The following DBF4B variants were observed in gnomAD, a reference collection of about 807,000 sequenced individuals.
DBF4B encodes the protein protein DBF4 homolog B.
DBF4B carries 49 observed loss-of-function variants against 53.4 expected under a neutral mutation model. The ratio of observed to expected loss-of-function variants is 0.92; its 90% CI spans 0.73 to 1.16. The LOEUF is 1.16. DBF4B is among the 50% of genes most tolerant of loss of function. The pLI is 0.00. For synonymous variants in DBF4B, 257 were observed against 288.7 expected, an observed-to-expected ratio of 0.89 and a Z score of 1.11; for missense variants, 692 against 775.0, an observed-to-expected ratio of 0.89 and a Z score of 1.27.
chr17:44,746,683 G>C (rs1340206994), intron 10 of DBF4B, among the ~76,000 whole-genome samples: 1 of 151,996 alleles, frequency 6.6e-6, no homozygotes, highest in Non-Finnish European at 1.5e-5. Context: ...GTTGAGCATT[G>C]TGGCGGGCGC....
At position 44,741,132 on chromosome 17, in the gene DBF4B, C is replaced by CA. The variant is rs375591548; in HGVS notation, c.714-192dup. ...CCTGGGCGACAGCGAGACTCTGTCT[C>CA]AAAAAAAAAAAAGAAAAGTAGACAG... On this transcript the variant is annotated intron_variant, in intron 9 of 13. Coordinates refer to ENST00000315005, the MANE Select transcript of DBF4B (RefSeq NM_145663.3). Among the ~76,000 whole-genome samples, 971 of 125,978 alleles carry CA rather than the reference C, an allele frequency of 7.7e-3. 7 individuals are homozygous for CA. Among genetic ancestry groups the CA allele is most frequent in the African/African-American group, 0.023 (788 of 33,912 alleles). The allele number at this position is 125,978 out of a possible 152,430, so 82.6% of individuals were successfully genotyped here.
At chr17:44,727,871 T>C (rs1432195695) in intron 3 of DBF4B, among the ~76,000 whole-genome samples, 2 of 131,856 alleles carry the variant, frequency 1.5e-5, no homozygotes, top group African/African-American at 2.6e-5. Context: ...GTAATTTTTT[T>C]TTTTTTTTTT....
At chr17:44,750,253 T>G in intron 13 of DBF4B, 2 of 1,040,028 alleles carry the variant, frequency 1.9e-6, no homozygotes, top group Non-Finnish European at 2.3e-6. Flanking sequence ...TCTGGCCACT[T>G]TTTCTTTCAT....
At chr17:44,730,853 C>T in intron 4 of DBF4B, 112 bp from the exon 5 acceptor site, 1 of 1,086,874 alleles carries the variant, frequency 9.2e-7, no homozygotes, top group Non-Finnish European at 1.3e-6. Context: ...CTGCTCCCAG[C>T]TTTCCGAGGG....
At position 44,715,045 on chromosome 17, in the gene DBF4B, C is replaced by T. The variant is rs142013660; in HGVS notation, c.82+5679C>T. Among the ~76,000 whole-genome samples, 4 of 152,112 alleles carry T rather than the reference C, an allele frequency of 2.6e-5. No individual in the cohort carries two copies. In the East Asian group the frequency reaches 7.7e-4, roughly 29 times the overall value. On this transcript the variant is annotated intron_variant, in intron 2 of 13. Transcript: ENST00000315005. ...ACTTTTTTCATTTATGGAGCAGGTA[C>T]CTTTCAATCTGTAACATCATTTTCT...
At chr17:44,712,322 T>C (rs1395169315) in intron 2 of DBF4B, among the ~76,000 whole-genome samples, 24 of 142,222 alleles carry the variant, frequency 1.7e-4, no homozygotes, top group African/African-American at 6.4e-4. Flanking sequence ...TTTTTTTTTT[T>C]TTGAGACGGT....
chr17:44,709,436 AATGTTCC>A (rs1455356757), intron 2 of DBF4B, 70 bp downstream of exon 2: 2 of 1,524,422 alleles, frequency 1.3e-6, no homozygotes, highest in African/African-American at 2.7e-5. Flanking sequence ...AAGACCGAAA[AATGTTCC>A]CCCTGTTGGA....
At chr17:44,735,597 G>C (rs915374401) in intron 7 of DBF4B, among the ~76,000 whole-genome samples, 3 of 152,140 alleles carry the variant, frequency 2.0e-5, no homozygotes, top group Non-Finnish European at 4.4e-5. Context: ...TTGAACCCTG[G>C]AGACAAGTTG....
At chr17:44,714,847 C>CTTA (rs1426053006) in intron 2 of DBF4B, among the ~76,000 whole-genome samples, 1 of 151,858 alleles carries the variant, frequency 6.6e-6, no homozygotes, top group African/African-American at 2.4e-5. Flanking sequence ...CCATGCCCAG[C>CTTA]TTATTATTAT....
At chr17:44,737,487 A>C (rs1975569455) in intron 8 of DBF4B, among the ~76,000 whole-genome samples, 1 of 152,174 alleles carries the variant, frequency 6.6e-6, no homozygotes, top group Non-Finnish European at 1.5e-5. Flanking sequence ...TTGTCCCCAA[A>C]AAGTAATTAA....
At chr17:44,721,326 C>T (rs1304595395) in intron 2 of DBF4B, among the ~76,000 whole-genome samples, 2 of 148,914 alleles carry the variant, frequency 1.3e-5, no homozygotes, top group East Asian at 4.1e-4. Context: ...TCATGCAATT[C>T]TTGTGCCTCA....
At chr17:44,715,635 TG>T (rs1973254661) in intron 2 of DBF4B, among the ~76,000 whole-genome samples, 1 of 151,896 alleles carries the variant, frequency 6.6e-6, no homozygotes, top group South Asian at 2.1e-4. Flanking sequence ...TTTTCTTTTC[TG>T]TGTGTTTCTT....
rs559987957 is a variant in DBF4B, at chr17:44,721,054, C to T, written c.83-1826C>T. On this transcript the variant is annotated intron_variant, in intron 2 of 13. Coordinates refer to ENST00000315005, the MANE Select transcript of DBF4B (RefSeq NM_145663.3). ...TTATTTTTTGTATTTTTAGTGGAGA[C>T]GGGGTTTCACCATGTTGGCCAGGCT... Among the ~76,000 whole-genome samples, 11 of 151,720 alleles carry T rather than the reference C, an allele frequency of 7.3e-5. No homozygotes were observed. In the East Asian group the frequency reaches 2.1e-3, roughly 29 times the overall value.
chr17:44,727,665 C>A (rs1009764629), intron 3 of DBF4B, among the ~76,000 whole-genome samples: 1 of 152,096 alleles, frequency 6.6e-6, no homozygotes, highest in Admixed American at 6.6e-5. Flanking sequence ...AAACACCAAC[C>A]CTACTTGGGC....
rs116930288 is a variant in DBF4B, at chr17:44,729,776, G to C, written c.226-129G>C. 6.5e-3 allele frequency: 6,040 copies of C among 922,898 alleles called. 28 individuals are homozygous for C. The highest frequency in any genetic ancestry group is 9.8e-3 in the Middle Eastern group (29 of 2,960). The allele number at this position is 922,898 out of a possible 1,614,324, so 57.2% of individuals were successfully genotyped here. A position where few individuals can be genotyped will look rare whatever the true frequency, so the allele number is the denominator to read the frequency against. On this transcript the variant is annotated intron_variant, in intron 3 of 13. Transcript: ENST00000315005. ...CTTCTTAGGAACTTGGTATGAAACT[G>C]CATTTAGTCTATTTAAAGACATTGA...
intron 10 of DBF4B, among the ~76,000 whole-genome samples, 182 bp downstream of exon 10, chr17:44,741,634 A>G (rs1976041561): frequency 6.6e-6 from 1 of 152,214 alleles, no homozygotes; most frequent in Admixed American, 6.5e-5. Context: ...TGTGTTCTTC[A>G]TCCGTACTGA....
chr17:44,751,165 T>C lies in DBF4B; in HGVS notation c.1760T>C (p.Leu587Pro), dbSNP rs2145183346. 1 of 1,614,066 alleles carries C rather than the reference T, an allele frequency of 6.2e-7. No homozygotes were observed. Among genetic ancestry groups the C allele is most frequent in the Non-Finnish European group, 8.5e-7 (1 of 1,179,992 alleles). The change falls in exon 14 of 14, where the codon CTT becomes CCT. Residue 587 changes from leucine to proline, a missense_variant. Transcript: ENST00000315005. ...CCCTCCTATCTCAATGATCATGACC[T>C]TGGACATCTCTGCCAGGCCAAACCC... is the stretch of plus-strand genomic sequence containing the variant. ...AFPSYLNDHD[L>P]GHLCQAKPQG...
At chr17:44,713,215 T>G (rs896625478) in intron 2 of DBF4B, among the ~76,000 whole-genome samples, 1 of 149,316 alleles carries the variant, frequency 6.7e-6, no homozygotes, top group Non-Finnish European at 1.5e-5. Flanking sequence ...AATTTTTTGG[T>G]TTTTTTTAGT....
At position 44,708,760 on chromosome 17, in the gene DBF4B, C is replaced by A; in HGVS notation, c.-61C>A. ...AATCGGGAAGAGCTCATGGAGCTCGCGAATGTAATACGGAGGCCTCTGAGG... is the reference window on the plus strand; with the variant it reads ...AATCGGGAAGAGCTCATGGAGCTCGAGAATGTAATACGGAGGCCTCTGAGG... On this transcript the variant is annotated 5_prime_UTR_variant, in exon 1 of 14. Coordinates refer to ENST00000315005, the MANE Select transcript of DBF4B (RefSeq NM_145663.3). The A allele has an allele frequency of 6.5e-7, 1 of 1,538,292 alleles. No homozygotes were observed. The highest frequency in any genetic ancestry group is 8.8e-7 in the Non-Finnish European group (1 of 1,138,760).
Sources: allele counts gnomAD v4.1 joint callset (sites outside exome capture counted in the v4.1 genomes callset), GRCh38; gene constraint gnomAD v4.1.1; transcripts MANE v1.5; gene names NCBI Gene and HGNC (gene_info 2026-07-23, HGNC 2026-07-21).